Variants in THSD4 observed in about 807,000 individuals in gnomAD.
THSD4 encodes the protein thrombospondin type 1 domain containing 4.
THSD4 carries 69 observed loss-of-function variants against 119.0 expected under a neutral mutation model. The ratio of observed to expected loss-of-function variants is 0.58; its 90% confidence interval spans 0.48 to 0.71. THSD4 has a LOEUF of 0.71. Among genes scored for constraint, THSD4 ranks in the 30% least tolerant of loss-of-function variants. THSD4 has a pLI of 0.00. For missense variants in THSD4, 1,393 were observed against 1,391.1 expected (o/e 1.00, Z -0.02); for synonymous variants, 524 against 540.4 (o/e 0.97, Z 0.42).
At chr15:71,442,634 GTGTGTGTATA>G (rs2047118450) in intron 7 of THSD4, among the ~76,000 whole-genome samples, 1 of 20,906 alleles carries the variant, frequency 4.8e-5, no homozygotes, top group African/African-American at 1.1e-4. Flanking sequence ...ATATATGTAT[GTGTGTGTATA>G]TGTGTGTGTG....
intron 7 of THSD4, among the ~76,000 whole-genome samples, chr15:71,529,079 A>G (rs1356445597): frequency 1.3e-5 from 2 of 152,208 alleles, no homozygotes; most frequent in Non-Finnish European, 1.5e-5. Flanking sequence ...GTGATTCTCC[A>G]CTTTTTCCCC....
chr15:71,611,630 G>A (rs2050230936), intron 7 of THSD4, among the ~76,000 whole-genome samples: 1 of 152,234 alleles, frequency 6.6e-6, no homozygotes, highest in African/African-American at 2.4e-5. Flanking sequence ...AATATGACAG[G>A]TGGGCGATTA....
chr15:71,125,045 A>G (rs2040441489), intron 1 of THSD4, among the ~76,000 whole-genome samples: 1 of 152,062 alleles, frequency 6.6e-6, no homozygotes, highest in South Asian at 2.1e-4. Context: ...CTGCAATCCA[A>G]CCTGGGTGAC....
chr15:71,712,904 G>T (rs56024562), intron 8 of THSD4, among the ~76,000 whole-genome samples: 26,211 of 152,198 alleles, frequency 0.17, 2,445 homozygotes, highest in Middle Eastern at 0.22. Flanking sequence ...GGAGAACAGA[G>T]CAGTGGTTAC....
At chr15:71,444,478 T>C (rs1462511287) in intron 7 of THSD4, among the ~76,000 whole-genome samples, 1 of 152,210 alleles carries the variant, frequency 6.6e-6, no homozygotes, top group African/African-American at 2.4e-5. Flanking sequence ...AGAGAATCCA[T>C]GTGTCGTCTG....
intron 8 of THSD4, among the ~76,000 whole-genome samples, chr15:71,711,277 C>G (rs1374240082): frequency 6.6e-6 from 1 of 151,820 alleles, no homozygotes; most frequent in Non-Finnish European, 1.5e-5. Flanking sequence ...ACCGAAGGTA[C>G]AGAAAATTCC....
rs145371123 is a variant in THSD4, at chr15:71,595,589, A to C, written c.1153-64941A>C. 8.0e-3 allele frequency among the ~76,000 whole-genome samples: 1,068 copies of C among 133,760 alleles called. 10 individuals are homozygous for C. Among genetic ancestry groups the C allele is most frequent in the Middle Eastern group, 0.025 (7 of 282 alleles). 87.8% of individuals were successfully genotyped at this position (133,760 alleles called of 152,430 possible). Reference sequence around the variant, plus strand: ...GTCTTTATCAGCAGCTTTAAAATGAACTAATACACAAGCCATATGTTCAGA... The same window carrying C: ...GTCTTTATCAGCAGCTTTAAAATGACCTAATACACAAGCCATATGTTCAGA... On this transcript the variant is annotated intron_variant, in intron 7 of 17. Transcript: ENST00000261862.
chr15:71,304,035 G>C (rs573254650), intron 6 of THSD4, among the ~76,000 whole-genome samples: 1 of 152,326 alleles, frequency 6.6e-6, no homozygotes, highest in Admixed American at 6.5e-5. Flanking sequence ...AGCACTAAGA[G>C]CTAATGGGCA....
At position 71,768,560 on chromosome 15, in the gene THSD4, A is replaced by ATTG. The variant is rs2053755732; in HGVS notation, c.2770-2502_2770-2501insGTT. On this transcript the variant is annotated intron_variant, in intron 16 of 17. Transcript: ENST00000261862. ...ACTTGCAGACCTGACGCAGATCCTG[A>ATTG]TTTTTTTTTTTTTTTTTTTTTTTTG... Among the ~76,000 whole-genome samples, 6 of 99,284 alleles carry ATTG rather than the reference A, an allele frequency of 6.0e-5. No individual in the cohort carries two copies. The South Asian group carries it at 1.9e-3, about 31-fold the overall frequency. The allele number at this position is 99,284 out of a possible 152,430, so 65.1% of individuals were successfully genotyped here. A position where few individuals can be genotyped will look rare whatever the true frequency, so the allele number is the denominator to read the frequency against.
chr15:71,262,271 T>A (rs1235592485), intron 6 of THSD4, among the ~76,000 whole-genome samples: 1 of 152,178 alleles, frequency 6.6e-6, no homozygotes, highest in African/African-American at 2.4e-5. Flanking sequence ...ATTTTTCTCA[T>A]AGCCTGGGAC....
At chr15:71,346,262 T>A (rs1035798794) in intron 6 of THSD4, among the ~76,000 whole-genome samples, 3 of 152,234 alleles carry the variant, frequency 2.0e-5, no homozygotes. Context: ...TTCCTCATGA[T>A]TAGATTCAGT....
At chr15:71,242,223 A>T (rs993596801) in intron 4 of THSD4, among the ~76,000 whole-genome samples, 1 of 152,166 alleles carries the variant, frequency 6.6e-6, no homozygotes, top group African/African-American at 2.4e-5. Context: ...CAAAAAATAC[A>T]TGATTAGAAA....
Position 71,781,042 on chromosome 15 carries a change from T to C in THSD4, c.*3668T>C. On this transcript the variant is annotated 3_prime_UTR_variant, in exon 18 of 18. Transcript: ENST00000261862. Reference sequence around the variant, plus strand: ...ATAAGTGGTAAAAAGAAACATGACTTCCCTTAAAACAGGCTGGATAATCTA... The same window carrying C: ...ATAAGTGGTAAAAAGAAACATGACTCCCCTTAAAACAGGCTGGATAATCTA... 1 of 326,264 alleles carries C rather than the reference T, an allele frequency of 3.1e-6. No individual in the cohort carries two copies. The highest frequency in any genetic ancestry group is 6.1e-6 in the Non-Finnish European group (1 of 164,502). 20.2% of individuals were successfully genotyped at this position (326,264 alleles called of 1,614,324 possible).
intron 3 of THSD4, chr15:71,188,844 G>A (rs552846480): frequency 2.6e-5 from 4 of 152,752 alleles, no homozygotes; most frequent in Admixed American, 6.5e-5. Context: ...CAGGACATGC[G>A]CGATCCTTCA....
chr15:71,253,756 T>A (rs1011460928), intron 5 of THSD4, among the ~76,000 whole-genome samples: 2 of 152,004 alleles, frequency 1.3e-5, no homozygotes, highest in Non-Finnish European at 2.9e-5. Context: ...GCAGAAAAAA[T>A]TAAATAACAC....
intron 9 of THSD4, chr15:71,729,279 C>T (rs1032744756): frequency 3.3e-5 from 5 of 153,174 alleles, no homozygotes; most frequent in African/African-American, 9.7e-5. Flanking sequence ...ATTTCTTTTA[C>T]GTGAAACTAA....
chr15:71,414,398 A>G (rs2046730314), intron 7 of THSD4, among the ~76,000 whole-genome samples: 1 of 152,248 alleles, frequency 6.6e-6, no homozygotes, highest in Non-Finnish European at 1.5e-5. Context: ...ATAGTGTGAA[A>G]CACTGGGGGA....
intron 6 of THSD4, among the ~76,000 whole-genome samples, chr15:71,389,564 T>C (rs923335967): frequency 2.0e-5 from 3 of 152,036 alleles, no homozygotes; most frequent in South Asian, 2.1e-4. Context: ...TGCTTCTACC[T>C]TTTGGTTACT....
At chr15:71,206,601 G>C (rs1015398091) in intron 3 of THSD4, among the ~76,000 whole-genome samples, 3 of 152,176 alleles carry the variant, frequency 2.0e-5, no homozygotes, top group African/African-American at 7.2e-5. Flanking sequence ...GAACAGATGG[G>C]AGGTTTATTT....
Sources: gnomAD v4.1 joint callset for allele counts (sites outside exome capture counted in the v4.1 genomes callset) on GRCh38, gnomAD v4.1.1 for gene constraint, MANE v1.5 for transcripts, NCBI Gene and HGNC (gene_info 2026-07-23, HGNC 2026-07-21) for gene names.